B3GALT1: variants seen among roughly 807,000 people sequenced by gnomAD.
B3GALT1 encodes beta-1,3-galactosyltransferase 1.
In B3GALT1, 10 loss-of-function variants were observed where a neutral mutation model predicts 23.2. The observed-to-expected ratio is 0.43, with a 90% CI of 0.27 to 0.73. The LOEUF (loss-of-function observed/expected upper bound fraction) is 0.73. Ranked by LOEUF, B3GALT1 falls within the 30% of genes least tolerant of loss-of-function variation. B3GALT1 has a pLI of 0.21. For synonymous variants in B3GALT1, 156 were observed against 141.5 expected (o/e 1.10, Z -0.73); for missense variants, 299 against 405.4 (o/e 0.74, Z 2.25).
chr2:167,856,536 C>T (rs759946181), intron 4 of B3GALT1, among the ~76,000 whole-genome samples: 1 of 152,076 alleles, frequency 6.6e-6, no homozygotes, highest in Non-Finnish European at 1.5e-5. Context: ...GAAGAAAACA[C>T]ATAGGACCAC....
At chr2:167,359,959 C>CA (rs1697474107) in intron 1 of B3GALT1, among the ~76,000 whole-genome samples, 1 of 152,086 alleles carries the variant, frequency 6.6e-6, no homozygotes, top group African/African-American at 2.4e-5. Flanking sequence ...GAAAAACACT[C>CA]AAAATTCTCT....
At chr2:167,666,635 T>A (rs867508320) in intron 3 of B3GALT1, among the ~76,000 whole-genome samples, 8 of 152,258 alleles carry the variant, frequency 5.3e-5, no homozygotes, top group African/African-American at 1.4e-4. Context: ...TGGGTGCTCC[T>A]GTATTGGGTG....
intron 2 of B3GALT1, among the ~76,000 whole-genome samples, chr2:167,579,430 G>GTTTTT: frequency 1.6e-5 from 1 of 63,618 alleles, no homozygotes; most frequent in Non-Finnish European, 2.5e-5. Context: ...GTTTTTTTTT[G>GTTTTT]TCTTTTTTTT....
chr2:167,853,397 T>C (rs1020054021), intron 4 of B3GALT1, among the ~76,000 whole-genome samples: 1 of 152,182 alleles, frequency 6.6e-6, no homozygotes, highest in Non-Finnish European at 1.5e-5. Context: ...ATATTGTCTC[T>C]TCCATGGATC....
chr2:167,660,104 ACATAT>A (rs1686030123), intron 3 of B3GALT1, among the ~76,000 whole-genome samples: 1 of 152,102 alleles, frequency 6.6e-6, no homozygotes, highest in South Asian at 2.1e-4. Context: ...CATTTCATAA[ACATAT>A]CAGGATGTTT....
chr2:167,865,073 A>G (rs1424592398), intron 4 of B3GALT1, among the ~76,000 whole-genome samples: 3 of 152,112 alleles, frequency 2.0e-5, no homozygotes, highest in African/African-American at 4.8e-5. Context: ...ATGTTTATGC[A>G]GTCCCTTCCC....
intron 4 of B3GALT1, among the ~76,000 whole-genome samples, chr2:167,857,112 C>G (rs1690013884): frequency 5.3e-5 from 8 of 152,044 alleles, no homozygotes; most frequent in Admixed American, 5.2e-4. Flanking sequence ...ACTGACAACC[C>G]TATGCTTTGT....
chr2:167,322,565 G>C (rs1473646965), intron 1 of B3GALT1, among the ~76,000 whole-genome samples: 2 of 151,922 alleles, frequency 1.3e-5, no homozygotes, highest in Non-Finnish European at 2.9e-5. Flanking sequence ...ACGACATTTA[G>C]TAAAATTAAA....
chr2:167,346,355 C>G (rs1425201337), intron 1 of B3GALT1, among the ~76,000 whole-genome samples: 1 of 152,080 alleles, frequency 6.6e-6, no homozygotes, highest in African/African-American at 2.4e-5. Flanking sequence ...TATTGTATAT[C>G]TATTTACAGT....
chr2:167,720,942 C>A (rs1306681414), intron 3 of B3GALT1, among the ~76,000 whole-genome samples: 1 of 152,166 alleles, frequency 6.6e-6, no homozygotes, highest in Non-Finnish European at 1.5e-5. Context: ...ATGAGCCATC[C>A]TATGAAATCA....
intron 3 of B3GALT1, among the ~76,000 whole-genome samples, chr2:167,724,628 A>T (rs1432548757): frequency 6.6e-6 from 1 of 152,198 alleles, no homozygotes; most frequent in African/African-American, 2.4e-5. Flanking sequence ...TCTTTTATTG[A>T]ATTTTAAAGA....
intron 4 of B3GALT1, among the ~76,000 whole-genome samples, chr2:167,833,750 C>G (rs1430029135): frequency 6.6e-6 from 1 of 152,154 alleles, no homozygotes; most frequent in Non-Finnish European, 1.5e-5. Flanking sequence ...TCAAACTACA[C>G]AAATAGCTAT....
At chr2:167,666,597 A>G (rs1686194279) in intron 3 of B3GALT1, among the ~76,000 whole-genome samples, 1 of 151,780 alleles carries the variant, frequency 6.6e-6, no homozygotes, top group African/African-American at 2.4e-5. Flanking sequence ...GTCTCTTTGT[A>G]GGTCACTCAG....
intron 3 of B3GALT1, among the ~76,000 whole-genome samples, chr2:167,742,894 A>G (rs999215825): frequency 3.9e-5 from 6 of 152,230 alleles, no homozygotes; most frequent in African/African-American, 7.2e-5. Context: ...GTAACCTACT[A>G]TAATGAATTT....
At chr2:167,744,617 G>T (rs534122054) in intron 3 of B3GALT1, among the ~76,000 whole-genome samples, 2 of 151,460 alleles carry the variant, frequency 1.3e-5, no homozygotes, top group African/African-American at 4.8e-5. Flanking sequence ...CTGAGACAGA[G>T]TTACACTCTT....
At chr2:167,626,681 G>C (rs187265869) in intron 2 of B3GALT1, among the ~76,000 whole-genome samples, 40 of 151,788 alleles carry the variant, frequency 2.6e-4, no homozygotes, top group Admixed American at 7.9e-4. Flanking sequence ...ATTTAATGAA[G>C]AAAGTTAAAC....
rs188997740 is a variant in B3GALT1 at position 167,533,072 on chromosome 2, G to A, written c.-410+42795G>A. 3.0e-3 allele frequency among the ~76,000 whole-genome samples: 450 copies of A among 151,068 alleles called. 4 individuals carry two copies. The highest frequency in any genetic ancestry group is 0.01 in the African/African-American group (430 of 41,186). On this transcript the variant is annotated intron_variant, in intron 2 of 4. Coordinates refer to ENST00000392690, the MANE Select transcript of B3GALT1 (RefSeq NM_020981.4). ...GACGGGGTTTCTCTATGTTGGTCAG[G>A]CTGGTCTCGAACACTTGACATCAGG...
chr2:167,362,139 T>G (rs1241288405), intron 1 of B3GALT1, among the ~76,000 whole-genome samples: 2 of 152,186 alleles, frequency 1.3e-5, no homozygotes, highest in Non-Finnish European at 2.9e-5. Flanking sequence ...GCAGAGATTT[T>G]TTTTTTTAAA....
intron 1 of B3GALT1, among the ~76,000 whole-genome samples, chr2:167,348,249 A>G (rs1229009210): frequency 3.3e-5 from 5 of 152,178 alleles, no homozygotes; most frequent in Non-Finnish European, 7.4e-5. Flanking sequence ...AGCTATTGAC[A>G]TACATGCGTC....
Sources: allele counts gnomAD v4.1 joint callset (sites outside exome capture counted in the v4.1 genomes callset), GRCh38; gene constraint gnomAD v4.1.1; transcripts MANE v1.5; gene names NCBI Gene and HGNC (gene_info 2026-07-23, HGNC 2026-07-21).